The following ACP6 variants were observed in gnomAD, a reference collection of about 807,000 sequenced individuals.
The protein encoded by ACP6 is lysophosphatidic acid phosphatase type 6.
ACP6 carries 48 observed loss-of-function variants against 48.1 expected under a neutral mutation model. The ratio of observed to expected loss-of-function variants is 1.00; its 90% confidence interval spans 0.79 to 1.27. The LOEUF is 1.27. Ranked by LOEUF, ACP6 falls within the 50% of genes most tolerant of loss-of-function variation. ACP6 has a pLI of 0.00. For missense variants in ACP6, 485 were observed against 529.1 expected, an observed-to-expected ratio of 0.92 and a Z score of 0.82; for synonymous variants, 172 against 204.2, an observed-to-expected ratio of 0.84 and a Z score of 1.34.
chr1:147,637,831 T>C (rs1449914469), downstream of ACP6, among the ~76,000 whole-genome samples: 3 of 152,232 alleles, frequency 2.0e-5, no homozygotes, highest in African/African-American at 7.2e-5. Context: ...ACATCTATCA[T>C]TTATTCATTC....
intron 1 of ACP6, among the ~76,000 whole-genome samples, chr1:147,669,443 T>C (rs1461585412): frequency 1.3e-5 from 2 of 152,184 alleles, no homozygotes; most frequent in Non-Finnish European, 2.9e-5. Context: ...ACCTTCAAAA[T>C]GGTCACACAG....
chr1:147,650,744 G>A (rs1553210401), intron 7 of ACP6: 1 of 152,350 alleles, frequency 6.6e-6, no homozygotes. Flanking sequence ...TACAGAAGAA[G>A]TTCAGTGGTC....
intron 5 of ACP6, among the ~76,000 whole-genome samples, chr1:147,634,732 A>C (rs1659254976): frequency 6.6e-6 from 1 of 152,198 alleles, no homozygotes; most frequent in Non-Finnish European, 1.5e-5. Context: ...ATCAGTCTCT[A>C]CAAGGCTAGG....
downstream of ACP6, among the ~76,000 whole-genome samples, chr1:147,641,039 C>A (rs1423258026): frequency 6.6e-6 from 1 of 152,166 alleles, no homozygotes; most frequent in Non-Finnish European, 1.5e-5. Flanking sequence ...TAGCCCAAAG[C>A]CGAAGAATGA....
At chr1:147,657,455 C>A (rs2148910312) in intron 4 of ACP6, among the ~76,000 whole-genome samples, 1 of 152,248 alleles carries the variant, frequency 6.6e-6, no homozygotes, top group East Asian at 1.9e-4. Flanking sequence ...TGGAGTCTCG[C>A]TGTCACCCAG....
intron 4 of ACP6, among the ~76,000 whole-genome samples, chr1:147,656,216 G>C (rs2148909390): frequency 6.6e-6 from 1 of 152,328 alleles, no homozygotes; most frequent in African/African-American, 2.4e-5. Context: ...CATGAGTTTA[G>C]TCTTCAGTCC....
chr1:147,658,566 G>A (rs1211005707), intron 4 of ACP6, among the ~76,000 whole-genome samples: 1 of 152,192 alleles, frequency 6.6e-6, no homozygotes, highest in African/African-American at 2.4e-5. Flanking sequence ...TTCATGCTGT[G>A]GATTATCACC....
chr1:147,669,872 G>C lies in ACP6; in HGVS notation c.177C>G (p.His59Gln). ...KLKMVQVVFR[H>Q]GARSPLKPLP... ...GCGGCTTGAGAGGACTCCGAGCCCC[G>C]TGTCGAAACACGACCTGCACCATTT... Residue 59 changes from histidine (H) to glutamine (Q), a missense_variant, in exon 1 of 10, where the codon CAC becomes CAG. Coordinates refer to ENST00000583509, the MANE Select transcript of ACP6 (RefSeq NM_016361.5). 6.2e-7 allele frequency: 1 copy of C among 1,600,426 alleles called. No individual in the cohort carries two copies. The highest frequency in any genetic ancestry group is 8.5e-7 in the Non-Finnish European group (1 of 1,174,230).
chr1:147,670,231 G>A lies in ACP6; in HGVS notation c.-183C>T, dbSNP rs377683810. ...CCTGAGGGAGACCCCGAGTGGGAAC[G>A]GGGGAGAGAACAAGAGGTGGCAGCA... is the stretch of plus-strand genomic sequence containing the variant. On this transcript the variant is annotated 5_prime_UTR_variant, in exon 1 of 10. Coordinates refer to ENST00000583509, the MANE Select transcript of ACP6 (RefSeq NM_016361.5). The A allele has an allele frequency of 4.4e-4, 259 of 585,268 alleles. 1 individual carries two copies. The South Asian group carries it at 5.7e-3, about 13-fold the overall frequency. The allele number at this position is 585,268 out of a possible 1,614,324, so 36.3% of individuals were successfully genotyped here.
intron 1 of ACP6, among the ~76,000 whole-genome samples, chr1:147,662,464 G>C (rs1342380802): frequency 6.6e-6 from 1 of 152,158 alleles, no homozygotes; most frequent in African/African-American, 2.4e-5. Context: ...AACATTAAGC[G>C]AAGTTTGGAA....
intron 5 of ACP6, among the ~76,000 whole-genome samples, chr1:147,635,240 T>C (rs1327095673): frequency 1.3e-5 from 2 of 152,228 alleles, no homozygotes; most frequent in African/African-American, 4.8e-5. Context: ...CTCCAGGGTA[T>C]TACCTACCAA....
chr1:147,659,535 G>A lies in ACP6; in HGVS notation c.349-9C>T, dbSNP rs782631972. 2 of 1,612,152 alleles carry A rather than the reference G, an allele frequency of 1.2e-6. No homozygotes were observed. Among genetic ancestry groups the A allele is most frequent in the Admixed American group, 1.7e-5 (1 of 59,988 alleles). ...CCAGCAAACATGCCCCCCTAAAGTA[G>A]GGAAGAAAGAGAAAGAAGAATGAAA... is the stretch of plus-strand genomic sequence containing the variant. On this transcript the variant is annotated splice_polypyrimidine_tract_variant and intron_variant, in intron 2 of 9. Coordinates refer to ENST00000583509, the MANE Select transcript of ACP6 (RefSeq NM_016361.5).
chr1:147,652,411 C>T lies in ACP6; in HGVS notation c.881+38G>A, dbSNP rs908278944. ...CTTCCCCATACACTTGGATGTCTGA[C>T]CAAGCGTGACTTCATGCCAGCAGTG... On this transcript the variant is annotated intron_variant, in intron 7 of 9. Transcript: ENST00000583509. 14 of 1,581,204 alleles carry T rather than the reference C, an allele frequency of 8.9e-6. No homozygotes were observed. The African/African-American group carries it at 1.8e-4, about 20-fold the overall frequency.
intron 1 of ACP6, 23 bp from the exon 2 acceptor site, chr1:147,659,798 C>T: frequency 6.2e-7 from 1 of 1,610,804 alleles, no homozygotes; most frequent in Non-Finnish European, 8.5e-7. Flanking sequence ...AAAAAACACA[C>T]CACATTGTTT....
At chr1:147,669,317 A>T (rs1235417223) in intron 1 of ACP6, among the ~76,000 whole-genome samples, 3 of 152,126 alleles carry the variant, frequency 2.0e-5, no homozygotes, top group African/African-American at 7.2e-5. Context: ...GCAAACCCTG[A>T]GAAAAAGCAG....
chr1:147,651,310 T>G (rs1441493699), intron 7 of ACP6: 5 of 152,184 alleles, frequency 3.3e-5, no homozygotes, highest in Admixed American at 2.6e-4. Context: ...TTTAAAATGA[T>G]TTACACCAGA....
downstream of ACP6, among the ~76,000 whole-genome samples, chr1:147,639,568 T>G (rs1659396311): frequency 6.6e-6 from 1 of 152,186 alleles, no homozygotes; most frequent in East Asian, 1.9e-4. Flanking sequence ...AGCTCAGCAA[T>G]TTGTGGTCTC....
At chr1:147,648,511 T>C in intron 8 of ACP6, 100 bp from the exon 9 acceptor site, 1 of 1,377,286 alleles carries the variant, frequency 7.3e-7, no homozygotes, top group Non-Finnish European at 1.0e-6. Context: ...CCTCAGAAAC[T>C]AGGTGACATC....
rs1553210818 is a variant in ACP6 at position 147,652,762 on chromosome 1, A to AAAG, written c.781-214_781-213insCTT. The AAAG allele has an allele frequency of 1.5e-5, 13 of 870,276 alleles. No individual in the cohort carries two copies. The African/African-American group carries it at 2.1e-4, about 14-fold the overall frequency. 53.9% of individuals were successfully genotyped at this position (870,276 alleles called of 1,614,324 possible). A position where few individuals can be genotyped will look rare whatever the true frequency, so the allele number is the denominator to read the frequency against. ...GATACCTGAAGGCCAGGAAAAAAAA[A>AAAG]AAAGAAAGGGTTTCTTCCCTTTCTG... On this transcript the variant is annotated intron_variant, in intron 6 of 9. Transcript: ENST00000583509.
Sources: gnomAD v4.1 joint callset for allele counts (sites outside exome capture counted in the v4.1 genomes callset) on GRCh38, gnomAD v4.1.1 for gene constraint, MANE v1.5 for transcripts, NCBI Gene and HGNC (gene_info 2026-07-23, HGNC 2026-07-21) for gene names.